NSD3: variants seen among roughly 807,000 people sequenced by gnomAD.
NSD3 encodes histone-lysine N-methyltransferase NSD3.
A neutral mutation model predicts 160.8 loss-of-function variants in NSD3; 24 were observed. The ratio of observed to expected loss-of-function variants is 0.15; its 90% CI spans 0.11 to 0.21. The LOEUF is 0.21. Ranked by LOEUF, NSD3 falls within the 10% of genes least tolerant of loss-of-function variation. The pLI is 1.00. For synonymous variants in NSD3, 520 were observed against 600.0 expected (o/e 0.87, Z 1.95); for missense variants, 1,157 against 1,735.9 (o/e 0.67, Z 5.93).
intron 15 of NSD3, among the ~76,000 whole-genome samples, chr8:38,298,410 T>C (rs1386513876): frequency 6.6e-6 from 1 of 152,194 alleles, no homozygotes; most frequent in Non-Finnish European, 1.5e-5. Context: ...TCCAATCGAC[T>C]TGCTTAGTCT....
intron 2 of NSD3, among the ~76,000 whole-genome samples, chr8:38,345,840 C>T (rs761093719): frequency 1.3e-5 from 2 of 151,944 alleles, no homozygotes; most frequent in Non-Finnish European, 2.9e-5. Context: ...ACCCTGGAGG[C>T]GGAGGTTGCG....
At chr8:38,310,282 G>T (rs1261640540) in intron 12 of NSD3, among the ~76,000 whole-genome samples, 1 of 152,112 alleles carries the variant, frequency 6.6e-6, no homozygotes, top group East Asian at 1.9e-4. Flanking sequence ...TACAATATTT[G>T]TTGGCCTTTT....
intron 12 of NSD3, among the ~76,000 whole-genome samples, chr8:38,310,827 T>G (rs1809516770): frequency 6.6e-6 from 1 of 152,030 alleles, no homozygotes; most frequent in African/African-American, 2.4e-5. Flanking sequence ...TTTCAGTTCT[T>G]TTGGGTATAT....
intron 1 of NSD3, among the ~76,000 whole-genome samples, chr8:38,357,471 T>A (rs1261897106): frequency 6.6e-6 from 1 of 152,234 alleles, no homozygotes; most frequent in Non-Finnish European, 1.5e-5. Flanking sequence ...ATTTCACTCC[T>A]CTGTGCCTTT....
chr8:38,312,227 C>T (rs1809550937), intron 12 of NSD3, among the ~76,000 whole-genome samples: 1 of 150,550 alleles, frequency 6.6e-6, no homozygotes, highest in Non-Finnish European at 1.5e-5. Flanking sequence ...TGTGAGTCCT[C>T]TGACTTTGTT....
chr8:38,330,562 G>A lies in NSD3; in HGVS notation c.1066-669C>T, dbSNP rs2150375780. The stretch of plus-strand genomic sequence containing the variant: ...AATAAAGATGTGTGAGATGGCCAGA[G>A]CAATTAGGAATTATCCAGGTGGCTA... On this transcript the variant is annotated intron_variant, in intron 5 of 23. Coordinates refer to ENST00000317025, the MANE Select transcript of NSD3 (RefSeq NM_023034.2). 3.3e-5 allele frequency among the ~76,000 whole-genome samples: 5 copies of A among 152,318 alleles called. No individual in the cohort carries two copies. The South Asian group carries it at 1.0e-3, about 32-fold the overall frequency.
chr8:38,356,288 TATC>T (rs1810821565), intron 1 of NSD3, among the ~76,000 whole-genome samples: 1 of 152,180 alleles, frequency 6.6e-6, no homozygotes, highest in Non-Finnish European at 1.5e-5. Flanking sequence ...AGTTGAAAAT[TATC>T]AATCAAAGCT....
intron 19 of NSD3, among the ~76,000 whole-genome samples, chr8:38,282,825 ATC>A (rs775169613): frequency 2.6e-4 from 40 of 152,230 alleles, no homozygotes; most frequent in Admixed American, 2.1e-3. Context: ...TTCTTTTTAA[ATC>A]TCTGAGTAGT....
At position 38,279,621 on chromosome 8, in the gene NSD3, T is replaced by A. The variant is rs923021374; in HGVS notation, c.3679A>T (p.Asn1227Tyr). 2.5e-6 allele frequency: 4 copies of A among 1,614,118 alleles called. No homozygotes were observed. Among genetic ancestry groups the A allele is most frequent in the Non-Finnish European group, 3.4e-6 (4 of 1,179,966 alleles). ...NYSRFMNHSC[N>Y]PNCETQKWTV... Reference sequence around the variant, plus strand: ...CACTTTTGTGTTTCACAGTTGGGATTACAACTGTGGTTCATGAAGCGAGAA... The same window carrying A: ...CACTTTTGTGTTTCACAGTTGGGATAACAACTGTGGTTCATGAAGCGAGAA... The change falls in exon 21 of 24, where the codon AAT becomes TAT. Residue 1227 changes from asparagine to tyrosine, a missense_variant. Physicochemically the swap from Asn to Tyr is moderately radical, Grantham distance 143 (BLOSUM62 -2). Coordinates refer to ENST00000317025, the MANE Select transcript of NSD3 (RefSeq NM_023034.2).
In NSD3 at chr8:38,347,614, C is replaced by T. The variant is rs555658280; in HGVS notation, c.558G>A (p.Thr186=). 16 of 1,613,844 alleles carry T rather than the reference C, an allele frequency of 9.9e-6. No homozygotes were observed. Among genetic ancestry groups the T allele is most frequent in the South Asian group, 3.3e-5 (3 of 91,080 alleles). The stretch of plus-strand genomic sequence containing the variant: ...CTTTTCTGCTTTCATGCTTTGATTT[C>T]GTGTGCTCACTTGCCTGTACTTCAT... ...LLNEVQASEH[T]KSKHESRKEK... Residue 186 remains threonine, a synonymous_variant, in exon 2 of 24, where the codon ACG becomes ACA. Coordinates refer to ENST00000317025, the MANE Select transcript of NSD3 (RefSeq NM_023034.2).
In NSD3 at chr8:38,321,949, T is replaced by G. The variant is rs1809802827; in HGVS notation, c.1709-777A>C. ...AAAACTGAAATTGAAGAACACAACT[T>G]GAAAGAACATTGTCAGGAATGATTT... is the stretch of plus-strand genomic sequence containing the variant. On this transcript the variant is annotated intron_variant, in intron 7 of 23. Coordinates refer to ENST00000317025, the MANE Select transcript of NSD3 (RefSeq NM_023034.2). This position sits in a 1 kb window ranked among gnomAD's most constrained non-coding sequence, Gnocchi z 4.7. Among the ~76,000 whole-genome samples, 1 of 152,184 alleles carries G rather than the reference T, an allele frequency of 6.6e-6. No individual in the cohort carries two copies. The highest frequency in any genetic ancestry group is 6.5e-5 in the Admixed American group (1 of 15,286).
In NSD3 at chr8:38,337,819, A is replaced by G. The variant is rs952200688; in HGVS notation, c.748-352T>C. ...CAAAAAACATCAGAAATTCAAAAAA[A>G]GAAACTATGTATAAAGTACATTAAA... On this transcript the variant is annotated intron_variant, in intron 3 of 23. Coordinates refer to ENST00000317025, the MANE Select transcript of NSD3 (RefSeq NM_023034.2). 2.6e-5 allele frequency among the ~76,000 whole-genome samples: 4 copies of G among 152,230 alleles called. No individual in the cohort carries two copies. The East Asian group carries it at 5.8e-4, about 22-fold the overall frequency.
chr8:38,341,805 G>A (rs969237452), intron 2 of NSD3, among the ~76,000 whole-genome samples: 2 of 151,918 alleles, frequency 1.3e-5, no homozygotes, highest in Non-Finnish European at 2.9e-5. Flanking sequence ...AGAGCCAGGC[G>A]TAGTGATGTG....
chr8:38,295,861 A>G lies in NSD3; in HGVS notation c.2850T>C (p.Asn950=), dbSNP rs761139960. ...IEMPEGCWNC[N]DCKAGKKLHY... ...GTAGTTTCTTGCCAGCTTTACAGTCATTACAATTCCAGCAGCCTTCTGGCA... is the reference window on the plus strand; with the variant it reads ...GTAGTTTCTTGCCAGCTTTACAGTCGTTACAATTCCAGCAGCCTTCTGGCA... The change falls in exon 16 of 24, where the codon AAT becomes AAC. Residue 950 remains asparagine (N), a synonymous_variant. Coordinates refer to ENST00000317025, the MANE Select transcript of NSD3 (RefSeq NM_023034.2). 7.4e-6 allele frequency: 12 copies of G among 1,614,168 alleles called. No homozygotes were observed. In the African/African-American group the frequency reaches 1.2e-4, roughly 16 times the overall value.
intron 1 of NSD3, among the ~76,000 whole-genome samples, chr8:38,348,435 TCAC>T (rs1810587022): frequency 1.3e-5 from 2 of 152,214 alleles, no homozygotes; most frequent in African/African-American, 2.4e-5. Flanking sequence ...CTGATTACTT[TCAC>T]AACAACTGTG....
chr8:38,377,051 C>CTTTGT (rs1246118632), intron 1 of NSD3, among the ~76,000 whole-genome samples: 2 of 151,766 alleles, frequency 1.3e-5, no homozygotes, highest in African/African-American at 2.4e-5. Flanking sequence ...TGTTTTTGTT[C>CTTTGT]TTTGTTTTGT....
At chr8:38,374,407 G>C (rs1451932773) in intron 1 of NSD3, among the ~76,000 whole-genome samples, 2 of 152,134 alleles carry the variant, frequency 1.3e-5, no homozygotes, top group East Asian at 3.8e-4. Context: ...ATTAGAATGT[G>C]GGTAATATAA....
intron 1 of NSD3, among the ~76,000 whole-genome samples, chr8:38,378,033 G>A (rs1165546869): frequency 6.6e-6 from 1 of 152,166 alleles, no homozygotes; most frequent in African/African-American, 2.4e-5. Context: ...GTTTTCCAGA[G>A]GGACATACAA....
At chr8:38,357,054 G>C (rs915068550) in intron 1 of NSD3, among the ~76,000 whole-genome samples, 1 of 142,252 alleles carries the variant, frequency 7.0e-6, no homozygotes, top group African/African-American at 2.6e-5. Context: ...GGGAGGCGGA[G>C]GTTGCAGTGA....
Sources: gnomAD v4.1 joint callset for allele counts (sites outside exome capture counted in the v4.1 genomes callset) on GRCh38, gnomAD v4.1.1 for gene constraint, Gnocchi (gnomAD v3.1) non-coding constraint, MANE v1.5 for transcripts, NCBI Gene and HGNC (gene_info 2026-07-23, HGNC 2026-07-21) for gene names.